COL26A1: variants seen among roughly 807,000 people sequenced by gnomAD.
COL26A1 encodes collagen alpha-1(XXVI) chain.
COL26A1 carries 41 observed loss-of-function variants against 59.3 expected under a neutral mutation model. That is an observed-to-expected ratio of 0.69 (90% CI 0.54 to 0.90). COL26A1 has a LOEUF of 0.90. COL26A1 is among the 40% of genes least tolerant of loss of function. COL26A1 has a pLI of 0.00. For missense variants in COL26A1, 612 were observed against 602.3 expected, an observed-to-expected ratio of 1.02 and a Z score of -0.17; for synonymous variants, 266 against 256.0, an observed-to-expected ratio of 1.04 and a Z score of -0.37.
chr7:101,379,410 A>G (rs1279792746), intron 1 of COL26A1, among the ~76,000 whole-genome samples: 3 of 152,078 alleles, frequency 2.0e-5, no homozygotes, highest in Non-Finnish European at 2.9e-5. Context: ...GCCTGATGGG[A>G]GAAGACCTGG....
chr7:101,541,345 A>T (rs73413416), intron 5 of COL26A1, among the ~76,000 whole-genome samples: 1 of 151,986 alleles, frequency 6.6e-6, no homozygotes, highest in African/African-American at 2.4e-5. Flanking sequence ...ATTTTATTTT[A>T]TTTTATTATT....
chr7:101,472,269 G>A (rs1793923561), intron 3 of COL26A1, among the ~76,000 whole-genome samples: 1 of 152,208 alleles, frequency 6.6e-6, no homozygotes, highest in African/African-American at 2.4e-5. Context: ...GCCTCCCAAA[G>A]TGCTGGGATT....
intron 3 of COL26A1, among the ~76,000 whole-genome samples, chr7:101,502,716 G>A (rs531263770): frequency 6.6e-6 from 1 of 152,248 alleles, no homozygotes; most frequent in Non-Finnish European, 1.5e-5. Context: ...CTGACCCAGT[G>A]TGGGTGGGTG....
chr7:101,483,949 C>T (rs1044317744), intron 3 of COL26A1, among the ~76,000 whole-genome samples: 3 of 151,270 alleles, frequency 2.0e-5, no homozygotes, highest in African/African-American at 7.3e-5. Context: ...GCTGGGATTA[C>T]AGGCATGAGC....
intron 2 of COL26A1, among the ~76,000 whole-genome samples, chr7:101,447,410 G>A (rs1793224723): frequency 6.6e-6 from 1 of 152,212 alleles, no homozygotes; most frequent in Admixed American, 6.5e-5. Context: ...GATTAGTTCG[G>A]CCTACTCCCA....
chr7:101,498,561 T>C (rs1794635718), intron 3 of COL26A1, among the ~76,000 whole-genome samples: 1 of 152,312 alleles, frequency 6.6e-6, no homozygotes, highest in African/African-American at 2.4e-5. Context: ...CCGATGCCTC[T>C]AAGCGTTTGT....
intron 8 of COL26A1, among the ~76,000 whole-genome samples, chr7:101,548,465 G>A (rs1221418406): frequency 6.6e-6 from 1 of 152,178 alleles, no homozygotes; most frequent in African/African-American, 2.4e-5. Context: ...GTGGCCATGG[G>A]CGGTGGCTGG....
At chr7:101,434,042 TTCCCTCCCTCCCTCCCTCCCTCCC>T (rs770646179) in intron 2 of COL26A1, among the ~76,000 whole-genome samples, 7 of 23,374 alleles carry the variant, frequency 3.0e-4, no homozygotes, top group Admixed American at 1.0e-3. Context: ...CTCCCTTCCC[TTCCCTCCCTCCCTCCCTCCCTCCC>T]TCCCTCCCTC....
chr7:101,415,868 A>G (rs1792359295), intron 1 of COL26A1, among the ~76,000 whole-genome samples: 1 of 151,670 alleles, frequency 6.6e-6, no homozygotes, highest in African/African-American at 2.4e-5. Context: ...TCTGGGCTCA[A>G]GTGATCCTCC....
At chr7:101,456,270 G>T (rs901474101) in intron 3 of COL26A1, among the ~76,000 whole-genome samples, 1 of 151,104 alleles carries the variant, frequency 6.6e-6, no homozygotes, top group Non-Finnish European at 1.5e-5. Flanking sequence ...GGGGTGCAGT[G>T]GTGTGATCAT....
intron 1 of COL26A1, among the ~76,000 whole-genome samples, chr7:101,402,658 C>T (rs112115930): frequency 3.6e-4 from 8 of 22,122 alleles, no homozygotes; most frequent in African/African-American, 5.0e-4. Flanking sequence ...TTCCTTCCTT[C>T]CTTCCCTCCC....
At chr7:101,524,129 G>A (rs543092949) in intron 3 of COL26A1, among the ~76,000 whole-genome samples, 44 of 151,982 alleles carry the variant, frequency 2.9e-4, no homozygotes, top group African/African-American at 1.1e-3. Flanking sequence ...AAATTAGCCG[G>A]GCATGGTGGT....
At position 101,387,778 on chromosome 7, in the gene COL26A1, A is replaced by ATATTTTT. The variant is rs773025730; in HGVS notation, c.158+24589_158+24590insATTTTTT. On this transcript the variant is annotated intron_variant, in intron 1 of 12. Coordinates refer to ENST00000313669, the MANE Select transcript of COL26A1 (RefSeq NM_001278563.3). ...TTTATATATATATATATATATATAT[A>ATATTTTT]TTTTTTTTTAAGACAGAGTCTCACT... Among the ~76,000 whole-genome samples, 527 of 84,764 alleles carry ATATTTTT rather than the reference A, an allele frequency of 6.2e-3. 16 individuals are homozygous for ATATTTTT. Among genetic ancestry groups the ATATTTTT allele is most frequent in the African/African-American group, 0.024 (481 of 20,080 alleles). The allele number at this position is 84,764 out of a possible 152,430, so 55.6% of individuals were successfully genotyped here. A position where few individuals can be genotyped will look rare whatever the true frequency, so the allele number is the denominator to read the frequency against.
At chr7:101,415,238 C>T (rs868339736) in intron 1 of COL26A1, among the ~76,000 whole-genome samples, 18 of 151,748 alleles carry the variant, frequency 1.2e-4, no homozygotes, top group Admixed American at 2.6e-4. Flanking sequence ...CTGCAACCTC[C>T]GCCTCTCAGG....
chr7:101,529,677 T>C (rs1795324551), intron 3 of COL26A1, among the ~76,000 whole-genome samples: 1 of 152,214 alleles, frequency 6.6e-6, no homozygotes, highest in South Asian at 2.1e-4. Flanking sequence ...ACATGCAATA[T>C]TTGATCTTCT....
At chr7:101,370,355 TTTG>T (rs1562951263) in intron 1 of COL26A1, among the ~76,000 whole-genome samples, 3 of 151,932 alleles carry the variant, frequency 2.0e-5, no homozygotes, top group African/African-American at 4.8e-5. Flanking sequence ...CACTGTTTGT[TTTG>T]TTGTTGTTGT....
At chr7:101,429,653 T>C (rs1442641989) in intron 2 of COL26A1, among the ~76,000 whole-genome samples, 1 of 144,854 alleles carries the variant, frequency 6.9e-6, no homozygotes, top group African/African-American at 2.6e-5. Context: ...AGTGTAGTGG[T>C]TCAATCATAG....
At chr7:101,498,502 C>T (rs942714724) in intron 3 of COL26A1, among the ~76,000 whole-genome samples, 2 of 152,072 alleles carry the variant, frequency 1.3e-5, no homozygotes, top group African/African-American at 2.4e-5. Flanking sequence ...TTGGGAGCCC[C>T]GGTTTCTCAC....
intron 3 of COL26A1, among the ~76,000 whole-genome samples, chr7:101,529,911 T>G (rs76167199): frequency 0.068 from 10,383 of 152,206 alleles, 458 homozygotes; most frequent in Non-Finnish European, 0.096. Context: ...GGGTCATGCA[T>G]CTCTGCTTTC....
Sources: gnomAD v4.1 joint callset for allele counts (sites outside exome capture counted in the v4.1 genomes callset) on GRCh38, gnomAD v4.1.1 for gene constraint, MANE v1.5 for transcripts, NCBI Gene and HGNC (gene_info 2026-07-23, HGNC 2026-07-21) for gene names.